The following DNER variants were observed in gnomAD, a reference collection of about 807,000 sequenced individuals.
DNER encodes delta and Notch-like epidermal growth factor-related receptor.
In DNER, 33 loss-of-function variants were observed where a neutral mutation model predicts 78.2. The ratio of observed to expected loss-of-function variants is 0.42; its 90% CI spans 0.32 to 0.56. The LOEUF is 0.56. Among genes scored for constraint, DNER ranks in the 20% least tolerant of loss-of-function variants. The pLI, the probability that DNER is intolerant of heterozygous loss-of-function variation, is 0.11. For missense variants in DNER, 918 were observed against 975.3 expected, an observed-to-expected ratio of 0.94 and a Z score of 0.78; for synonymous variants, 417 against 384.8, an observed-to-expected ratio of 1.08 and a Z score of -0.98.
chr2:229,504,349 A>C, intron 6 of DNER, among the ~76,000 whole-genome samples: 1 of 151,858 alleles, frequency 6.6e-6, no homozygotes, highest in East Asian at 1.9e-4. Context: ...CCTCCCAAGT[A>C]ACTAAGATTA....
intron 1 of DNER, among the ~76,000 whole-genome samples, chr2:229,628,628 T>G (rs1698384865): frequency 6.6e-6 from 1 of 152,064 alleles, no homozygotes; most frequent in Non-Finnish European, 1.5e-5. Flanking sequence ...AGGAGCTCTG[T>G]GGTGGAATGA....
intron 6 of DNER, among the ~76,000 whole-genome samples, chr2:229,481,537 G>A (rs1695158721): frequency 6.8e-6 from 1 of 147,180 alleles, no homozygotes. Flanking sequence ...CTCTGAACTG[G>A]ATACCTAAGA....
intron 7 of DNER, among the ~76,000 whole-genome samples, chr2:229,470,742 C>T (rs1292667690): frequency 6.6e-6 from 1 of 152,116 alleles, no homozygotes. Context: ...GCCAGCTATT[C>T]GGGAGGCTGA....
intron 5 of DNER, among the ~76,000 whole-genome samples, chr2:229,531,122 ATAACCT>A (rs1194794834): frequency 1.3e-5 from 2 of 152,196 alleles, no homozygotes; most frequent in African/African-American, 4.8e-5. Context: ...CAGACAAAGC[ATAACCT>A]GAGAATGAGC....
chr2:229,654,418 T>C (rs1698877397), intron 1 of DNER, among the ~76,000 whole-genome samples: 1 of 152,210 alleles, frequency 6.6e-6, no homozygotes, highest in South Asian at 2.1e-4. Context: ...AGCAAAGTTG[T>C]CTTAAATCCA....
intron 7 of DNER, among the ~76,000 whole-genome samples, chr2:229,469,222 C>T (rs1315886975): frequency 3.9e-5 from 6 of 152,222 alleles, no homozygotes; most frequent in East Asian, 1.9e-4. Context: ...TGAGGGACAG[C>T]GGGTGTACAT....
At chr2:229,435,921 G>A (rs1459150160) in intron 8 of DNER, among the ~76,000 whole-genome samples, 1 of 152,166 alleles carries the variant, frequency 6.6e-6, no homozygotes, top group Non-Finnish European at 1.5e-5. Flanking sequence ...AGATAAACAT[G>A]TGCCTAACAA....
intron 8 of DNER, among the ~76,000 whole-genome samples, chr2:229,426,888 T>C (rs2106353072): frequency 6.6e-6 from 1 of 152,342 alleles, no homozygotes; most frequent in East Asian, 1.9e-4. Flanking sequence ...CAGAAAATAC[T>C]TGTGAACATG....
At position 229,483,292 on chromosome 2, in the gene DNER, C is replaced by T. The variant is rs571778161; in HGVS notation, c.1148-6039G>A. ...TAGGATAATGAAGCTCTTCCATTAGCGGTATGAGTCTTCCAATCACAAGAA... is the reference window on the plus strand; with the variant it reads ...TAGGATAATGAAGCTCTTCCATTAGTGGTATGAGTCTTCCAATCACAAGAA... On this transcript the variant is annotated intron_variant, in intron 6 of 12. Coordinates refer to ENST00000341772, the MANE Select transcript of DNER (RefSeq NM_139072.4). 1.2e-4 allele frequency among the ~76,000 whole-genome samples: 18 copies of T among 152,276 alleles called. No individual in the cohort carries two copies. The South Asian group carries it at 3.3e-3, about 28-fold the overall frequency.
intron 7 of DNER, among the ~76,000 whole-genome samples, chr2:229,466,837 A>G (rs1480657022): frequency 6.6e-6 from 1 of 152,190 alleles, no homozygotes; most frequent in East Asian, 1.9e-4. Context: ...GCGAATACAC[A>G]GTCAGATCCG....
intron 1 of DNER, among the ~76,000 whole-genome samples, chr2:229,644,998 G>T (rs1037621563): frequency 4.6e-5 from 7 of 151,790 alleles, no homozygotes; most frequent in African/African-American, 1.7e-4. Context: ...AGAAGCCATG[G>T]CATTAGTGCC....
chr2:229,374,702 G>C (rs1032301904), intron 11 of DNER, among the ~76,000 whole-genome samples: 1 of 152,030 alleles, frequency 6.6e-6, no homozygotes. Flanking sequence ...AGGTGCCCTG[G>C]TTCTAAAGCC....
chr2:229,700,316 G>GTGTGTA, intron 1 of DNER, among the ~76,000 whole-genome samples: 1 of 149,826 alleles, frequency 6.7e-6, no homozygotes, highest in Non-Finnish European at 1.5e-5. Flanking sequence ...GTGTGTGTGT[G>GTGTGTA]TGTATAGGGG....
intron 8 of DNER, among the ~76,000 whole-genome samples, chr2:229,437,611 T>C (rs1485597753): frequency 6.6e-6 from 1 of 152,204 alleles, no homozygotes; most frequent in Non-Finnish European, 1.5e-5. Flanking sequence ...TCACCTATAA[T>C]GGCACATTGT....
intron 1 of DNER, among the ~76,000 whole-genome samples, chr2:229,681,893 T>C (rs1699394647): frequency 6.6e-6 from 1 of 151,938 alleles, no homozygotes; most frequent in African/African-American, 2.4e-5. Context: ...TGTTTATAAA[T>C]TTATAAAAAC....
intron 5 of DNER, among the ~76,000 whole-genome samples, chr2:229,515,149 G>GT (rs1411858028): frequency 6.6e-6 from 1 of 152,146 alleles, no homozygotes; most frequent in South Asian, 2.1e-4. Flanking sequence ...GGATCTATCT[G>GT]TTTTTTCATC....
intron 5 of DNER, among the ~76,000 whole-genome samples, chr2:229,529,121 G>A (rs576859406): frequency 1.3e-5 from 2 of 152,184 alleles, no homozygotes; most frequent in African/African-American, 4.8e-5. Context: ...ATTTATTTTA[G>A]CAACGTGAGA....
chr2:229,363,210 G>A (rs1692255713), intron 12 of DNER, among the ~76,000 whole-genome samples: 1 of 152,190 alleles, frequency 6.6e-6, no homozygotes, highest in Non-Finnish European at 1.5e-5. Flanking sequence ...CCTACTAGGA[G>A]TTACAACCAA....
In DNER at chr2:229,358,637, G is replaced by A; in HGVS notation, c.2117C>T (p.Ser706Phe). 6.2e-7 allele frequency: 1 copy of A among 1,613,592 alleles called. No homozygotes were observed. The highest frequency in any genetic ancestry group is 8.5e-7 in the Non-Finnish European group (1 of 1,179,772). The change falls in exon 13 of 13, where the codon TCC (serine) becomes TTC (phenylalanine). Residue 706 changes from serine (S) to phenylalanine (F), a missense_variant. Physicochemically the swap from Ser to Phe is radical, Grantham distance 155. Coordinates refer to ENST00000341772, the MANE Select transcript of DNER (RefSeq NM_139072.4). ...SIRHARFGKK[S>F]RPAMYDVSPI... ...GCTCACATCATACATTGCAGGCCGG[G>A]ATTTCTTTCCAAACCTGAAATCAGA... is the stretch of plus-strand genomic sequence containing the variant.
Sources: gnomAD v4.1 joint callset for allele counts (sites outside exome capture counted in the v4.1 genomes callset) on GRCh38, gnomAD v4.1.1 for gene constraint, MANE v1.5 for transcripts, NCBI Gene and HGNC (gene_info 2026-07-23, HGNC 2026-07-21) for gene names.